The following ARCN1 variants were observed in gnomAD, a reference collection of about 807,000 sequenced individuals.
ARCN1 encodes the protein coatomer subunit delta.
Under a neutral mutation model 60.4 loss-of-function variants are expected in ARCN1, and 5 were observed. The observed-to-expected ratio is 0.08, with a 90% confidence interval of 0.04 to 0.17. ARCN1 has a LOEUF of 0.17. Ranked by LOEUF, ARCN1 falls within the 10% of genes least tolerant of loss-of-function variation. The pLI, the probability that ARCN1 is intolerant of heterozygous loss-of-function variation, is 1.00. For synonymous variants in ARCN1, 224 were observed against 220.0 expected (o/e 1.02, Z -0.16); for missense variants, 464 against 626.5 (o/e 0.74, Z 2.77).
intron 8 of ARCN1, among the ~76,000 whole-genome samples, chr11:118,596,399 G>A (rs1279299507): frequency 6.6e-6 from 1 of 152,154 alleles, no homozygotes; most frequent in Non-Finnish European, 1.5e-5. Context: ...GTGGTTTCCT[G>A]TATTCTAGTT....
intron 2 of ARCN1, among the ~76,000 whole-genome samples, chr11:118,582,680 C>T (rs192841084): frequency 1.8e-3 from 256 of 138,848 alleles, no homozygotes; most frequent in Admixed American, 4.7e-3. Flanking sequence ...GAGCCGAGAT[C>T]GTGCCACTGC....
intron 1 of ARCN1, among the ~76,000 whole-genome samples, chr11:118,574,235 CT>C (rs1340145609): frequency 6.6e-6 from 1 of 152,126 alleles, no homozygotes; most frequent in African/African-American, 2.4e-5. Flanking sequence ...AACAATTTAT[CT>C]CAGTACATTC....
At chr11:118,573,909 T>C in intron 1 of ARCN1, 1 of 469,818 alleles carries the variant, frequency 2.1e-6, no homozygotes, top group Non-Finnish European at 3.8e-6. Flanking sequence ...TGAAACTCAG[T>C]TCCCGTTTAC....
rs1039412492 is a variant in ARCN1 at position 118,584,921 on chromosome 11, G to A, written c.818+277G>A. Among the ~76,000 whole-genome samples the A allele has an allele frequency of 2.0e-5, 3 of 151,886 alleles. No individual in the cohort carries two copies. In the East Asian group the frequency reaches 5.8e-4, roughly 29 times the overall value. ...GCTCGCTGCAAGCTCTCCCTCCCAG[G>A]TTCACGCCATTCTCCTGCCTCAGCC... is the stretch of plus-strand genomic sequence containing the variant. On this transcript the variant is annotated intron_variant, in intron 5 of 9. Coordinates refer to ENST00000264028, the MANE Select transcript of ARCN1 (RefSeq NM_001655.5).
intron 4 of ARCN1, 57 bp downstream of exon 4, chr11:118,584,071 G>A (rs1352817121): frequency 1.3e-6 from 2 of 1,504,188 alleles, no homozygotes; most frequent in African/African-American, 2.8e-5. Flanking sequence ...GTCTATCTTT[G>A]AAGTCATAAT....
intron 2 of ARCN1, among the ~76,000 whole-genome samples, chr11:118,581,933 GACAGACACACACAC>G (rs1302369139): frequency 7.4e-4 from 98 of 132,224 alleles, no homozygotes; most frequent in African/African-American, 3.0e-3. Context: ...CAGACAGACA[GACAGACACACACAC>G]ACACACACAC....
chr11:118,582,701 G>A (rs982324332), intron 2 of ARCN1, among the ~76,000 whole-genome samples: 4 of 148,242 alleles, frequency 2.7e-5, no homozygotes, highest in African/African-American at 7.5e-5. Context: ...ACTCCAGACC[G>A]GGTGACAGAG....
intron 8 of ARCN1, among the ~76,000 whole-genome samples, chr11:118,596,710 TA>T (rs1228713673): frequency 6.6e-6 from 1 of 152,224 alleles, no homozygotes; most frequent in Non-Finnish European, 1.5e-5. Context: ...CAGCCGTGTG[TA>T]GGGGTGCAGA....
In ARCN1 at chr11:118,584,644, G is replaced by A; in HGVS notation, c.818G>A (p.Ser273Asn). Reference sequence around the variant, plus strand: ...CATGCTCCACCCATTAATATGGAAAGGTAAGTAGGAACTTTGAGTAAGAAT... The same window carrying A: ...CATGCTCCACCCATTAATATGGAAAAGTAAGTAGGAACTTTGAGTAAGAAT... ...KMHAPPINME[S>N]VHMKIEEKIT... is the part of the protein sequence containing the mutation. The change falls in exon 5 of 10, where the codon AGT (serine) becomes AAT (asparagine). Residue 273 changes from serine (S) to asparagine (N), a missense_variant and splice_region_variant. Transcript: ENST00000264028. The A allele has an allele frequency of 6.3e-7, 1 of 1,586,002 alleles. No individual in the cohort carries two copies. Among genetic ancestry groups the A allele is most frequent in the Non-Finnish European group, 8.5e-7 (1 of 1,169,864 alleles).
intron 2 of ARCN1, among the ~76,000 whole-genome samples, chr11:118,581,937 G>GACAGACACACACACACACACAC (rs1555074708): frequency 1.8e-4 from 26 of 140,808 alleles, no homozygotes; most frequent in African/African-American, 6.2e-4. Flanking sequence ...CAGACAGACA[G>GACAGACACACACACACACACAC]ACACACACAC....
rs1939146691 is a variant in ARCN1 at position 118,601,443 on chromosome 11, G to C, written c.*729G>C. The C allele has an allele frequency of 1.6e-6, 1 of 607,142 alleles. No homozygotes were observed. The highest frequency in any genetic ancestry group is 2.9e-6 in the Non-Finnish European group (1 of 344,014). The allele number at this position is 607,142 out of a possible 1,614,324, so 37.6% of individuals were successfully genotyped here. On this transcript the variant is annotated 3_prime_UTR_variant, in exon 10 of 10. Transcript: ENST00000264028. ...AGTTTGTTTTTAAAAAGTTTTCTCT[G>C]TAGAAAATTTTAATCATTCATACCC...
Position 118,576,299 on chromosome 11 carries a change from A to AT in ARCN1, c.3+3763dup, listed in dbSNP as rs1218323180. Among the ~76,000 whole-genome samples the AT allele has an allele frequency of 6.9e-3, 995 of 144,096 alleles. 9 individuals are homozygous for AT. The highest frequency in any genetic ancestry group is 0.021 in the African/African-American group (814 of 39,544). 94.5% of individuals were successfully genotyped at this position (144,096 alleles called of 152,430 possible). A position where few individuals can be genotyped will look rare whatever the true frequency, so the allele number is the denominator to read the frequency against. On this transcript the variant is annotated intron_variant, in intron 1 of 9. Transcript: ENST00000264028. ...TGGCAAAGCTCAACTTTATGAGGGA[A>AT]TTTTTTTTTTTTTTAACCGTCCTGG... is the stretch of plus-strand genomic sequence containing the variant.
chr11:118,600,314 C>CT (rs1275919890), intron 9 of ARCN1, among the ~76,000 whole-genome samples: 2 of 152,196 alleles, frequency 1.3e-5, no homozygotes, highest in Non-Finnish European at 2.9e-5. Context: ...GATAGAATGT[C>CT]TATGAATTTC....
rs564673464 is a variant in ARCN1 at position 118,586,167 on chromosome 11, G to A, written c.818+1523G>A. Among the ~76,000 whole-genome samples, 42 of 151,748 alleles carry A rather than the reference G, an allele frequency of 2.8e-4. 1 individual carries two copies. Among genetic ancestry groups the A allele is most frequent in the South Asian group, 1.0e-3 (5 of 4,808 alleles). Reference sequence around the variant, plus strand: ...CTCCCAGACTGGAGTGCAATGGCACGATCTTGCAACCTCCACCTCCCGGGG... The same window carrying A: ...CTCCCAGACTGGAGTGCAATGGCACAATCTTGCAACCTCCACCTCCCGGGG... On this transcript the variant is annotated intron_variant, in intron 5 of 9. Coordinates refer to ENST00000264028, the MANE Select transcript of ARCN1 (RefSeq NM_001655.5).
At chr11:118,574,998 G>A (rs1031223255) in intron 1 of ARCN1, among the ~76,000 whole-genome samples, 27 of 151,818 alleles carry the variant, frequency 1.8e-4, no homozygotes, top group Admixed American at 4.6e-4. Flanking sequence ...TTTGGTTTTC[G>A]AGACGGATTC....
chr11:118,600,388 G>A (rs1253024155), intron 9 of ARCN1, among the ~76,000 whole-genome samples: 1 of 152,138 alleles, frequency 6.6e-6, no homozygotes, highest in African/African-American at 2.4e-5. Flanking sequence ...TTAATACTAC[G>A]GAACATCTCG....
At chr11:118,587,830 C>G (rs1469731649) in intron 5 of ARCN1, among the ~76,000 whole-genome samples, 1 of 152,206 alleles carries the variant, frequency 6.6e-6, no homozygotes, top group East Asian at 1.9e-4. Flanking sequence ...GTTTGGCCTC[C>G]CACGACCCCC....
Position 118,576,435 on chromosome 11 carries a change from A to AC in ARCN1, c.3+3885_3+3886insC, listed in dbSNP as rs1565357841. 9.1e-4 allele frequency among the ~76,000 whole-genome samples: 131 copies of AC among 143,538 alleles called. 2 individuals carry two copies. The highest frequency in any genetic ancestry group is 3.1e-3 in the African/African-American group (118 of 38,324). The allele number at this position is 143,538 out of a possible 152,430, so 94.2% of individuals were successfully genotyped here. Reference sequence around the variant, plus strand: ...TTTTTTCCAAAAATGTTAAAAAAAAAAAAAAAAAAAAAAACCAAAAACTTT... The same window carrying AC: ...TTTTTTCCAAAAATGTTAAAAAAAAACAAAAAAAAAAAAAACCAAAAACTTT... On this transcript the variant is annotated intron_variant, in intron 1 of 9. Transcript: ENST00000264028.
At chr11:118,584,887 G>A (rs974112933) in intron 5 of ARCN1, among the ~76,000 whole-genome samples, 4 of 151,986 alleles carry the variant, frequency 2.6e-5, no homozygotes, top group African/African-American at 9.7e-5. Flanking sequence ...GTGCAGTGGT[G>A]TGATCTCGGC....
Sources: allele counts gnomAD v4.1 joint callset (sites outside exome capture counted in the v4.1 genomes callset), GRCh38; gene constraint gnomAD v4.1.1; transcripts MANE v1.5; gene names NCBI Gene and HGNC (gene_info 2026-07-23, HGNC 2026-07-21).